SLCO2B1: variants seen among roughly 807,000 people sequenced by gnomAD.
SLCO2B1 encodes solute carrier organic anion transporter family member 2B1.
A neutral mutation model predicts 67.3 loss-of-function variants in SLCO2B1; 41 were observed. The observed-to-expected ratio is 0.61, with a 90% CI of 0.47 to 0.79. The LOEUF (loss-of-function observed/expected upper bound fraction) is 0.79. SLCO2B1 is among the 30% of genes least tolerant of loss of function. The pLI is 0.00. For synonymous variants in SLCO2B1, 379 were observed against 381.4 expected (o/e 0.99, Z 0.07); for missense variants, 837 against 920.1 (o/e 0.91, Z 1.17).
At chr11:75,164,253 C>T (rs74808262) in intron 3 of SLCO2B1, among the ~76,000 whole-genome samples, 153 bp downstream of exon 3, 18 of 152,264 alleles carry the variant, frequency 1.2e-4, no homozygotes, top group South Asian at 2.1e-4. Flanking sequence ...AACCTCAGAG[C>T]GTTTGCAGCT....
chr11:75,195,545 C>T (rs372869652), intron 9 of SLCO2B1, among the ~76,000 whole-genome samples: 59 of 152,174 alleles, frequency 3.9e-4, no homozygotes, highest in African/African-American at 1.3e-3. Flanking sequence ...CCCCACTCCA[C>T]ACCCTGGCTA....
intron 11 of SLCO2B1, chr11:75,202,591 G>A (rs1945198831): frequency 2.7e-6 from 1 of 377,290 alleles, no homozygotes; most frequent in Non-Finnish European, 4.9e-6. Flanking sequence ...AACTGTAGGA[G>A]TAAGGGGAGA....
chr11:75,164,524 G>C (rs906692775), intron 3 of SLCO2B1, among the ~76,000 whole-genome samples: 1 of 152,056 alleles, frequency 6.6e-6, no homozygotes, highest in African/African-American at 2.4e-5. Context: ...CGCGGCGCAG[G>C]GTGTCTGTCC....
intron 1 of SLCO2B1, among the ~76,000 whole-genome samples, chr11:75,155,817 AG>A (rs1378413248): frequency 6.6e-6 from 1 of 152,166 alleles, no homozygotes; most frequent in Non-Finnish European, 1.5e-5. Context: ...CTCCACGCTG[AG>A]GGGGTACAGC....
Position 75,200,394 on chromosome 11 carries a change from G to C in SLCO2B1, c.1763+7G>C. The C allele has an allele frequency of 6.3e-7, 1 of 1,583,724 alleles. No individual in the cohort carries two copies. The highest frequency in any genetic ancestry group is 8.6e-7 in the Non-Finnish European group (1 of 1,160,382). On this transcript the variant is annotated splice_region_variant and intron_variant, in intron 11 of 13. Coordinates refer to ENST00000289575, the MANE Select transcript of SLCO2B1 (RefSeq NM_007256.5). ...CCTTCATGCTCATCCTAAGGTGAAGGTGGGGGTGGGGCAGGGGCAGGTGGA... is the reference window on the plus strand; with the variant it reads ...CCTTCATGCTCATCCTAAGGTGAAGCTGGGGGTGGGGCAGGGGCAGGTGGA...
At chr11:75,203,005 G>T in intron 12 of SLCO2B1, 40 bp downstream of exon 12, 5 of 1,552,652 alleles carry the variant, frequency 3.2e-6, no homozygotes, top group Non-Finnish European at 4.4e-6. Flanking sequence ...TGGTGATGGG[G>T]TCCAGATGCC....
At chr11:75,155,737 T>TGTGAGCCACCACGAGGCCAGGC (rs1189311259) in intron 1 of SLCO2B1, among the ~76,000 whole-genome samples, 6 of 152,068 alleles carry the variant, frequency 3.9e-5, no homozygotes, top group Admixed American at 1.3e-4. Flanking sequence ...AGATTACAGG[T>TGTGAGCCACCACGAGGCCAGGC]GTGAGCCACC....
chr11:75,200,453 G>A, intron 11 of SLCO2B1, 66 bp downstream of exon 11: 1 of 1,472,532 alleles, frequency 6.8e-7, no homozygotes, highest in Non-Finnish European at 9.1e-7. Flanking sequence ...GCAGAACAAG[G>A]AATTCCAAGG....
At chr11:75,183,936 T>C (rs1950117646) in intron 7 of SLCO2B1, among the ~76,000 whole-genome samples, 1 of 152,100 alleles carries the variant, frequency 6.6e-6, no homozygotes. Context: ...TGTGAAGGAG[T>C]GTAGGACTTG....
intron 1 of SLCO2B1, among the ~76,000 whole-genome samples, chr11:75,154,216 G>A (rs1297133662): frequency 6.6e-6 from 1 of 150,624 alleles, no homozygotes; most frequent in Non-Finnish European, 1.5e-5. Context: ...GAACCACCGC[G>A]CCTGACCATG....
intron 7 of SLCO2B1, among the ~76,000 whole-genome samples, chr11:75,176,536 G>A (rs1264699997): frequency 6.6e-6 from 1 of 152,222 alleles, no homozygotes; most frequent in African/African-American, 2.4e-5. Context: ...AAAAGTCTGT[G>A]CCTCGAATGG....
At chr11:75,160,301 T>C (rs1006794655) in intron 1 of SLCO2B1, among the ~76,000 whole-genome samples, 1 of 152,226 alleles carries the variant, frequency 6.6e-6, no homozygotes, top group Non-Finnish European at 1.5e-5. Flanking sequence ...CATTGAGTGA[T>C]GTTGAGTTTA....
At chr11:75,199,841 A>G (rs1225264730) in intron 10 of SLCO2B1, 5 of 184,962 alleles carry the variant, frequency 2.7e-5, no homozygotes, top group African/African-American at 7.0e-5. Flanking sequence ...CTAGGGAGTG[A>G]GTGCAGGCTG....
At chr11:75,166,631 C>A (rs187179919) in intron 4 of SLCO2B1, among the ~76,000 whole-genome samples, 2 of 152,126 alleles carry the variant, frequency 1.3e-5, no homozygotes, top group African/African-American at 4.8e-5. Flanking sequence ...TCGATCCATC[C>A]ACCTACTACT....
rs531595440 is a variant in SLCO2B1 at position 75,154,083 on chromosome 11, G to A, written c.16+2686G>A. ...TGGGACTACAGGCACTCACCACCAC[G>A]CCCAGCTAATTTACGTATTTTTAGT... On this transcript the variant is annotated intron_variant, in intron 1 of 13. Transcript: ENST00000289575. Among the ~76,000 whole-genome samples, 11 of 151,304 alleles carry A rather than the reference G, an allele frequency of 7.3e-5. No individual in the cohort carries two copies. The East Asian group carries it at 1.8e-3, about 25-fold the overall frequency.
At chr11:75,175,736 A>G (rs746614192) in intron 7 of SLCO2B1, among the ~76,000 whole-genome samples, 5 of 152,138 alleles carry the variant, frequency 3.3e-5, no homozygotes, top group Non-Finnish European at 7.3e-5. Context: ...CACAGGGGAA[A>G]AGAGGGGTGC....
chr11:75,184,253 C>A (rs1950123109), intron 7 of SLCO2B1, among the ~76,000 whole-genome samples: 1 of 152,184 alleles, frequency 6.6e-6, no homozygotes, highest in Non-Finnish European at 1.5e-5. Flanking sequence ...CAGGCTCTTG[C>A]TAGGCACAAG....
rs1478266603 is a variant in SLCO2B1, at chr11:75,198,051, A to G, written c.1599+1372A>G. Among the ~76,000 whole-genome samples the G allele has an allele frequency of 2.6e-5, 4 of 152,144 alleles. No homozygotes were observed. The East Asian group carries it at 7.7e-4, about 29-fold the overall frequency. ...CCCACCTCCCACCCTCATGCTGGGC[A>G]TCAGCATCTAAACCTGAGGCTCCTC... On this transcript the variant is annotated intron_variant, in intron 10 of 13. Transcript: ENST00000289575.
chr11:75,166,493 G>A (rs1239541880), intron 4 of SLCO2B1, among the ~76,000 whole-genome samples: 3 of 152,092 alleles, frequency 2.0e-5, no homozygotes, highest in Non-Finnish European at 2.9e-5. Flanking sequence ...TTGACAAATG[G>A]ATGTCTCTTA....
Sources: allele counts gnomAD v4.1 joint callset (sites outside exome capture counted in the v4.1 genomes callset), GRCh38; gene constraint gnomAD v4.1.1; transcripts MANE v1.5; gene names NCBI Gene and HGNC (gene_info 2026-07-23, HGNC 2026-07-21).